Variants in CWC27 observed in about 807,000 individuals in gnomAD.
The protein encoded by CWC27 is CWC27 spliceosome associated cyclophilin.
CWC27 carries 47 observed loss-of-function variants against 63.6 expected under a neutral mutation model. The observed-to-expected ratio is 0.74, with a 90% CI of 0.58 to 0.94. The LOEUF (loss-of-function observed/expected upper bound fraction) is 0.94. Among genes scored for constraint, CWC27 ranks in the 40% least tolerant of loss-of-function variants. The pLI is 0.00. For synonymous variants in CWC27, 175 were observed against 179.8 expected (o/e 0.97, Z 0.22); for missense variants, 495 against 554.3 (o/e 0.89, Z 1.07).
intron 11 of CWC27, among the ~76,000 whole-genome samples, chr5:64,913,320 C>T (rs1441069426): frequency 6.6e-6 from 1 of 152,034 alleles, no homozygotes; most frequent in African/African-American, 2.4e-5. Context: ...ATAACACACA[C>T]TATAACCTCT....
rs956915943 is a variant in CWC27, at chr5:64,856,813, A to AT, written c.939-28623dup. Among the ~76,000 whole-genome samples, 570 of 152,234 alleles carry AT rather than the reference A, an allele frequency of 3.7e-3. 1 individual carries two copies. The highest frequency in any genetic ancestry group is 0.013 in the African/African-American group (533 of 41,554). On this transcript the variant is annotated intron_variant, in intron 10 of 13. Transcript: ENST00000381070. ...CACAGCCATTTCTATAATAAATTCC[A>AT]TTTTTTTATAACTCTGAAAATCAAT...
At chr5:64,871,523 G>C (rs374663513) in intron 10 of CWC27, among the ~76,000 whole-genome samples, 3 of 152,166 alleles carry the variant, frequency 2.0e-5, no homozygotes, top group East Asian at 3.9e-4. Flanking sequence ...TTAGGATGTG[G>C]GAATGCATGC....
intron 10 of CWC27, among the ~76,000 whole-genome samples, chr5:64,806,087 G>C (rs1218388945): frequency 7.9e-6 from 1 of 126,082 alleles, no homozygotes; most frequent in Non-Finnish European, 1.7e-5. Context: ...CCATAGACTG[G>C]ATGACTTAAC....
chr5:64,847,159 T>C lies in CWC27; in HGVS notation c.939-38284T>C, dbSNP rs561005794. 2.0e-5 allele frequency among the ~76,000 whole-genome samples: 3 copies of C among 152,264 alleles called. No individual in the cohort carries two copies. In the South Asian group the frequency reaches 6.2e-4, roughly 32 times the overall value. On this transcript the variant is annotated intron_variant, in intron 10 of 13. Coordinates refer to ENST00000381070, the MANE Select transcript of CWC27 (RefSeq NM_005869.4). ...TGTATACAAAGATACATCTCACTTT[T>C]AAGGATACACATAGATGGAAGCTGA...
chr5:64,884,365 T>G (rs528771306), intron 10 of CWC27: 3 of 152,192 alleles, frequency 2.0e-5, no homozygotes, highest in African/African-American at 7.2e-5. Flanking sequence ...TGGCTGTGTG[T>G]GTCTGGTGTG....
chr5:64,911,498 A>G (rs1747785050), intron 11 of CWC27, among the ~76,000 whole-genome samples: 1 of 152,178 alleles, frequency 6.6e-6, no homozygotes, highest in South Asian at 2.1e-4. Context: ...AAATCTCTAT[A>G]AGACTTTAGA....
intron 13 of CWC27, among the ~76,000 whole-genome samples, chr5:64,984,873 A>G (rs923333177): frequency 2.0e-4 from 31 of 152,190 alleles, no homozygotes; most frequent in African/African-American, 6.5e-4. Flanking sequence ...CCCAACCTAA[A>G]GTCACACAGA....
At chr5:64,835,977 T>C (rs1280522844) in intron 10 of CWC27, among the ~76,000 whole-genome samples, 1 of 151,842 alleles carries the variant, frequency 6.6e-6, no homozygotes, top group Non-Finnish European at 1.5e-5. Flanking sequence ...GGTGATAAAA[T>C]GATTAGACAT....
At chr5:64,803,725 G>A (rs1744562881) in intron 9 of CWC27, among the ~76,000 whole-genome samples, 1 of 152,140 alleles carries the variant, frequency 6.6e-6, no homozygotes, top group Non-Finnish European at 1.5e-5. Context: ...ATGTCAGGGA[G>A]GTTTAGATTG....
chr5:64,984,696 C>G (rs1002236910), intron 13 of CWC27, among the ~76,000 whole-genome samples: 22 of 152,038 alleles, frequency 1.4e-4, no homozygotes, highest in African/African-American at 5.3e-4. Flanking sequence ...AATCTACATC[C>G]AAGTCTTTTT....
intron 10 of CWC27, among the ~76,000 whole-genome samples, chr5:64,829,832 C>G (rs1430820182): frequency 6.6e-6 from 1 of 151,522 alleles, no homozygotes; most frequent in Non-Finnish European, 1.5e-5. Flanking sequence ...TGTGATGTTC[C>G]CCTCCCTGTG....
chr5:65,001,160 T>C (rs1290935944), intron 13 of CWC27, among the ~76,000 whole-genome samples: 1 of 152,110 alleles, frequency 6.6e-6, no homozygotes, highest in East Asian at 1.9e-4. Flanking sequence ...CTGATTTTTG[T>C]ATGTTGGGCT....
intron 11 of CWC27, among the ~76,000 whole-genome samples, chr5:64,938,885 G>A (rs957791314): frequency 2.0e-5 from 3 of 151,878 alleles, no homozygotes; most frequent in Non-Finnish European, 4.4e-5. Context: ...CCTTTCTTAC[G>A]CTTGATCGGT....
intron 7 of CWC27, among the ~76,000 whole-genome samples, chr5:64,790,475 G>A (rs919227221): frequency 3.3e-5 from 5 of 152,082 alleles, no homozygotes; most frequent in African/African-American, 9.7e-5. Flanking sequence ...ACAAAACCAT[G>A]AATGTTAGAT....
At chr5:64,808,477 T>C (rs1346215001) in intron 10 of CWC27, 2 of 401,874 alleles carry the variant, frequency 5.0e-6, no homozygotes, top group African/African-American at 4.4e-5. Flanking sequence ...CCATTTACAT[T>C]TGTATCTCCA....
At chr5:64,977,099 T>C in intron 12 of CWC27, 36 bp from the exon 13 acceptor site, 2 of 1,228,176 alleles carry the variant, frequency 1.6e-6, no homozygotes, top group South Asian at 1.6e-5. Context: ...ATATTTATCT[T>C]TATCAGAAAA....
chr5:64,769,165 CA>C lies in CWC27; in HGVS notation c.20del (p.Gln7ArgfsTer11). On this transcript the variant is annotated frameshift_variant, in exon 1 of 14. Transcript: ENST00000381070. LOFTEE classifies it high-confidence loss of function. ...GACCAAGATGAGCAACATCTACATCCAGGAGCCTCCCACGAATGGGAAGGTG... is the reference window on the plus strand; with the variant it reads ...GACCAAGATGAGCAACATCTACATCCGGAGCCTCCCACGAATGGGAAGGTG... MSNIYI[Q>X]EPPTNGKVLL... is the part of the protein sequence containing the mutation. 6.2e-7 allele frequency: 1 copy of C among 1,614,116 alleles called. No homozygotes were observed. The highest frequency in any genetic ancestry group is 1.1e-5 in the South Asian group (1 of 91,076).
At chr5:64,910,566 A>G (rs1238536073) in intron 11 of CWC27, among the ~76,000 whole-genome samples, 4 of 152,242 alleles carry the variant, frequency 2.6e-5, no homozygotes, top group African/African-American at 9.6e-5. Flanking sequence ...GGTGGAGTCT[A>G]CAGAGGCAGC....
At chr5:64,923,254 G>C (rs2112392761) in intron 11 of CWC27, among the ~76,000 whole-genome samples, 1 of 152,238 alleles carries the variant, frequency 6.6e-6, no homozygotes, top group East Asian at 1.9e-4. Context: ...CAGGATATCT[G>C]AGGCTGTGCT....
Sources: gnomAD v4.1 joint callset for allele counts (sites outside exome capture counted in the v4.1 genomes callset) on GRCh38, gnomAD v4.1.1 for gene constraint, MANE v1.5 for transcripts, NCBI Gene and HGNC (gene_info 2026-07-23, HGNC 2026-07-21) for gene names.